The following SPECC1 variants were observed in gnomAD, a reference collection of about 807,000 sequenced individuals.
SPECC1 encodes the protein cytospin-B.
SPECC1 carries 62 observed loss-of-function variants against 104.1 expected under a neutral mutation model. The ratio of observed to expected loss-of-function variants is 0.60; its 90% CI spans 0.49 to 0.74. The LOEUF (loss-of-function observed/expected upper bound fraction) is 0.74, where lower values mean the gene tolerates loss of function less well. Among genes scored for constraint, SPECC1 ranks in the 30% least tolerant of loss-of-function variants. The pLI is 0.00. For missense variants in SPECC1, 1,306 were observed against 1,310.5 expected, an observed-to-expected ratio of 1.00 and a Z score of 0.05; for synonymous variants, 513 against 501.6, an observed-to-expected ratio of 1.02 and a Z score of -0.30.
At chr17:20,079,983 G>C (rs2046903648) in intron 1 of SPECC1, among the ~76,000 whole-genome samples, 1 of 152,028 alleles carries the variant, frequency 6.6e-6, no homozygotes, top group Non-Finnish European at 1.5e-5. Context: ...CCTTTCACTG[G>C]GACCACTGTT....
intron 3 of SPECC1, among the ~76,000 whole-genome samples, chr17:20,192,040 G>A (rs1437212480): frequency 6.6e-6 from 1 of 152,090 alleles, no homozygotes; most frequent in African/African-American, 2.4e-5. Flanking sequence ...GGGCTCAAGT[G>A]ATCCTTCTTC....
At chr17:20,255,979 A>G (rs150443999) in intron 10 of SPECC1, among the ~76,000 whole-genome samples, 172 of 151,706 alleles carry the variant, frequency 1.1e-3, no homozygotes, top group African/African-American at 3.7e-3. Context: ...CCAGGTTCAC[A>G]CCATTCTCCT....
At chr17:20,308,174 G>A (rs2041825786) in intron 14 of SPECC1, among the ~76,000 whole-genome samples, 1 of 152,022 alleles carries the variant, frequency 6.6e-6, no homozygotes, top group Non-Finnish European at 1.5e-5. Context: ...GATCACCTGA[G>A]GTCAGGAGTT....
intron 1 of SPECC1, among the ~76,000 whole-genome samples, chr17:20,046,810 G>A (rs1597611152): frequency 6.7e-6 from 1 of 150,120 alleles, no homozygotes; most frequent in Non-Finnish European, 1.5e-5. Context: ...GGGCAGTGAG[G>A]AGGCCAGGGC....
chr17:20,039,219 T>A (rs1377297959), intron 1 of SPECC1, among the ~76,000 whole-genome samples: 2 of 152,208 alleles, frequency 1.3e-5, no homozygotes, highest in Admixed American at 1.3e-4. Flanking sequence ...AAAAGAATGT[T>A]TATTTTGCTA....
chr17:20,106,587 A>G (rs550086791), intron 2 of SPECC1, among the ~76,000 whole-genome samples: 12 of 152,302 alleles, frequency 7.9e-5, no homozygotes, highest in Non-Finnish European at 8.8e-5. Context: ...TGTTCTCATG[A>G]TAGTGAATAA....
chr17:20,114,545 T>C (rs56392715), intron 3 of SPECC1, among the ~76,000 whole-genome samples: 4 of 151,624 alleles, frequency 2.6e-5, no homozygotes, highest in Non-Finnish European at 5.9e-5. Flanking sequence ...TCTTGAGTCA[T>C]TTTCTCTCTG....
At chr17:20,143,260 C>T (rs554489231) in intron 3 of SPECC1, among the ~76,000 whole-genome samples, 62 of 151,376 alleles carry the variant, frequency 4.1e-4, no homozygotes, top group Non-Finnish European at 6.6e-4. Flanking sequence ...GTGGTACGTG[C>T]CTGTGGTCCC....
chr17:20,040,082 T>C (rs1361838107), intron 1 of SPECC1, among the ~76,000 whole-genome samples: 4 of 152,168 alleles, frequency 2.6e-5, no homozygotes, highest in African/African-American at 9.7e-5. Context: ...CCATTTCAAT[T>C]TATCTAAATT....
Position 20,315,562 on chromosome 17 carries a change from A to T in SPECC1, c.*1497A>T. The stretch of plus-strand genomic sequence containing the variant: ...GTTAGCGCCCCTCCAACAAAGGATC[A>T]TCCTTCCAGTGAGTCACCGAGAATG... On this transcript the variant is annotated 3_prime_UTR_variant, in exon 15 of 15. Transcript: ENST00000395527. The T allele has an allele frequency of 4.3e-6, 1 of 232,928 alleles. No homozygotes were observed. The highest frequency in any genetic ancestry group is 8.5e-6 in the Non-Finnish European group (1 of 117,896). The allele number at this position is 232,928 out of a possible 1,614,324, so 14.4% of individuals were successfully genotyped here.
chr17:20,137,579 T>G (rs973034189), intron 3 of SPECC1, among the ~76,000 whole-genome samples: 1 of 152,244 alleles, frequency 6.6e-6, no homozygotes, highest in African/African-American at 2.4e-5. Flanking sequence ...TGCCTTAGAC[T>G]CTTGGTCATC....
Position 20,314,410 on chromosome 17 carries a change from A to C in SPECC1, c.*345A>C, listed in dbSNP as rs1349614663. 6.3e-6 allele frequency: 2 copies of C among 318,416 alleles called. No individual in the cohort carries two copies. The highest frequency in any genetic ancestry group is 6.0e-6 in the Non-Finnish European group (1 of 166,048). 19.7% of individuals were successfully genotyped at this position (318,416 alleles called of 1,614,324 possible). On this transcript the variant is annotated 3_prime_UTR_variant, in exon 15 of 15. Coordinates refer to ENST00000395527, the MANE Select transcript of SPECC1 (RefSeq NM_001243439.2). ...ACGAACACATTATCTGCAGAAATTCAGACAAAGAACATCTCCAAATCAGTC... is the reference window on the plus strand; with the variant it reads ...ACGAACACATTATCTGCAGAAATTCCGACAAAGAACATCTCCAAATCAGTC...
intron 1 of SPECC1, among the ~76,000 whole-genome samples, chr17:20,063,140 A>C (rs1207902251): frequency 6.6e-6 from 1 of 152,228 alleles, no homozygotes; most frequent in African/African-American, 2.4e-5. Context: ...TTAAAATGTT[A>C]GTCTGCAAGA....
intron 3 of SPECC1, among the ~76,000 whole-genome samples, chr17:20,194,751 G>A (rs954295390): frequency 6.6e-6 from 1 of 151,798 alleles, no homozygotes; most frequent in Non-Finnish European, 1.5e-5. Context: ...AGACCCACCC[G>A]CCTCGGCCTC....
At position 20,277,116 on chromosome 17, in the gene SPECC1, A is replaced by T. The variant is rs115228559; in HGVS notation, c.2940+16822A>T. Among the ~76,000 whole-genome samples, 830 of 152,346 alleles carry T rather than the reference A, an allele frequency of 5.4e-3. 3 individuals carry two copies. The highest frequency in any genetic ancestry group is 0.018 in the African/African-American group (730 of 41,582). ...GAGAAAGCAAGATGGACAGAGAGGG[A>T]CAGATGTGGCCCATTCAGGGATCCA... On this transcript the variant is annotated intron_variant, in intron 12 of 14. Coordinates refer to ENST00000395527, the MANE Select transcript of SPECC1 (RefSeq NM_001243439.2).
chr17:20,077,992 T>A (rs2046827335), intron 1 of SPECC1, among the ~76,000 whole-genome samples: 1 of 151,746 alleles, frequency 6.6e-6, no homozygotes, highest in Non-Finnish European at 1.5e-5. Context: ...ACACACACAC[T>A]GAAAAAGTAT....
At chr17:20,215,560 C>T (rs1329101127) in intron 4 of SPECC1, among the ~76,000 whole-genome samples, 1 of 152,186 alleles carries the variant, frequency 6.6e-6, no homozygotes, top group Non-Finnish European at 1.5e-5. Flanking sequence ...TGATCTCATT[C>T]TGTCCATGTC....
chr17:20,012,378 TTTTTGTAC>T (rs1312083930), intron 1 of SPECC1, among the ~76,000 whole-genome samples: 1 of 151,928 alleles, frequency 6.6e-6, no homozygotes, highest in East Asian at 1.9e-4. Context: ...CTTGTAGGGG[TTTTTGTAC>T]TATTTCTATG....
chr17:20,258,703 G>A (rs1028833878), intron 11 of SPECC1, among the ~76,000 whole-genome samples: 1 of 152,214 alleles, frequency 6.6e-6, no homozygotes, highest in Non-Finnish European at 1.5e-5. Context: ...TATGTATAAG[G>A]TTCTAGCCTG....
Sources: gnomAD v4.1 joint callset for allele counts (sites outside exome capture counted in the v4.1 genomes callset) on GRCh38, gnomAD v4.1.1 for gene constraint, MANE v1.5 for transcripts, NCBI Gene and HGNC (gene_info 2026-07-23, HGNC 2026-07-21) for gene names.